The following MRPL19 variants were observed in gnomAD, a reference collection of about 807,000 sequenced individuals.
MRPL19 encodes the protein mitochondrial ribosomal protein L19.
Under a neutral mutation model 34.0 loss-of-function variants are expected in MRPL19, and 31 were observed. The observed-to-expected ratio is 0.91, with a 90% CI of 0.68 to 1.23. MRPL19 has a LOEUF of 1.23. MRPL19 is among the 50% of genes most tolerant of loss of function. MRPL19 has a pLI of 0.00. For synonymous variants in MRPL19, 152 were observed against 127.7 expected (o/e 1.19, Z -1.28); for missense variants, 384 against 367.6 (o/e 1.04, Z -0.37).
At chr2:75,648,894 C>A (rs1353047324) in intron 2 of MRPL19, among the ~76,000 whole-genome samples, 2 of 152,018 alleles carry the variant, frequency 1.3e-5, no homozygotes, top group Non-Finnish European at 2.9e-5. Context: ...CAAAATTATA[C>A]GAAACAATAT....
intron 2 of MRPL19, chr2:75,651,712 T>A (rs1267275467): frequency 3.3e-6 from 1 of 306,880 alleles, no homozygotes; most frequent in East Asian, 8.0e-5. Context: ...TAATTTATTA[T>A]AGCATGTATA....
At chr2:75,653,816 TCA>T (rs1258807336) in intron 4 of MRPL19, among the ~76,000 whole-genome samples, 2 of 152,316 alleles carry the variant, frequency 1.3e-5, no homozygotes, top group East Asian at 1.9e-4. Flanking sequence ...GGTGTTCCAT[TCA>T]CAGTCTTTTC....
intron 3 of MRPL19, 39 bp from the exon 4 acceptor site, chr2:75,652,483 TG>T (rs1484940399): frequency 6.3e-7 from 1 of 1,599,520 alleles, no homozygotes; most frequent in Admixed American, 1.7e-5. Flanking sequence ...CTCAGCTGGG[TG>T]TGCTGAAAAA....
intron 2 of MRPL19, among the ~76,000 whole-genome samples, chr2:75,648,505 A>G (rs1252128332): frequency 1.3e-5 from 2 of 152,188 alleles, no homozygotes; most frequent in Non-Finnish European, 2.9e-5. Context: ...ATTTTCACAA[A>G]TCTGTGTGTA....
rs1678512031 is a variant in MRPL19, at chr2:75,658,371, T to C, written c.*3086T>C. Among the ~76,000 whole-genome samples the C allele has an allele frequency of 6.6e-6, 1 of 152,000 alleles. No homozygotes were observed. The highest frequency in any genetic ancestry group is 1.5e-5 in the Non-Finnish European group (1 of 67,882). On this transcript the variant is annotated 3_prime_UTR_variant, in exon 6 of 6. Coordinates refer to ENST00000393909, the MANE Select transcript of MRPL19 (RefSeq NM_014763.4). ...GTTTTTATGACTAAATAATATTCCATTGTATGTATATACATTTTGTTCATC... is the reference window on the plus strand; with the variant it reads ...GTTTTTATGACTAAATAATATTCCACTGTATGTATATACATTTTGTTCATC...
rs1170040959 is a variant in MRPL19, at chr2:75,659,581, T to G, written c.*4296T>G. Among the ~76,000 whole-genome samples, 4 of 152,192 alleles carry G rather than the reference T, an allele frequency of 2.6e-5. No homozygotes were observed. The highest frequency in any genetic ancestry group is 5.9e-5 in the Non-Finnish European group (4 of 68,016). On this transcript the variant is annotated 3_prime_UTR_variant, in exon 6 of 6. Transcript: ENST00000393909. Reference sequence around the variant, plus strand: ...TCTAATTGTAATAAACTCCCTCAGCTTTTGTTTTATCTGAGAATGTCTTGA... The same window carrying G: ...TCTAATTGTAATAAACTCCCTCAGCGTTTGTTTTATCTGAGAATGTCTTGA...
At position 75,659,224 on chromosome 2, in the gene MRPL19, A is replaced by AC. The variant is rs1678542103; in HGVS notation, c.*3939_*3940insC. 6.6e-6 allele frequency among the ~76,000 whole-genome samples: 1 copy of AC among 152,066 alleles called. No homozygotes were observed. The highest frequency in any genetic ancestry group is 2.4e-5 in the African/African-American group (1 of 41,422). On this transcript the variant is annotated 3_prime_UTR_variant, in exon 6 of 6. Transcript: ENST00000393909. ...GGATTATAGTTAACATCCTACACTT[A>AC]AAACAATCTAATTTAAACTGATACC...
chr2:75,654,939 C>G, intron 5 of MRPL19, 22 bp downstream of exon 5: 1 of 1,569,842 alleles, frequency 6.4e-7, no homozygotes, highest in Non-Finnish European at 8.6e-7. Flanking sequence ...ACATTTGAAA[C>G]TAGAAGTTCA....
chr2:75,651,289 G>A, intron 2 of MRPL19: 1 of 514,206 alleles, frequency 1.9e-6, no homozygotes, highest in Admixed American at 2.0e-5. Flanking sequence ...ATGTGCTGCA[G>A]CTGTGTCTCT....
Position 75,647,136 on chromosome 2 carries a change from T to A in MRPL19, c.138T>A (p.Thr46=). Residue 46 remains threonine (T), a synonymous_variant, in exon 2 of 6, where the codon ACT becomes ACA. Transcript: ENST00000393909. ...CGGGGCCTGTCCGGCAGCAGAGCAC[T>A]GGGCCTTCCGAGCCCGGTGCGTTCC... ...VHAGPVRQQS[T]GPSEPGAFQP... 1 of 1,582,996 alleles carries A rather than the reference T, an allele frequency of 6.3e-7. No homozygotes were observed. Among genetic ancestry groups the A allele is most frequent in the East Asian group, 2.3e-5 (1 of 43,464 alleles).
At chr2:75,654,651 C>T in intron 4 of MRPL19, 85 bp from the exon 5 acceptor site, 1 of 1,284,176 alleles carries the variant, frequency 7.8e-7, no homozygotes, top group South Asian at 1.7e-5. Flanking sequence ...GTGCTAATTC[C>T]TTTATGAAAT....
At chr2:75,646,978 C>T in intron 1 of MRPL19, 68 bp downstream of exon 1, 2 of 1,492,578 alleles carry the variant, frequency 1.3e-6, no homozygotes, top group Middle Eastern at 1.8e-4. Flanking sequence ...GGAGGCGAAC[C>T]TGGAGATCAG....
Position 75,646,828 on chromosome 2 carries a change from G to A in MRPL19, c.21G>A (p.Ala7=). 3 of 1,567,054 alleles carry A rather than the reference G, an allele frequency of 1.9e-6. No homozygotes were observed. The highest frequency in any genetic ancestry group is 1.2e-5 in the South Asian group (1 of 84,644). ...CTGGCATGGCGGCCTGCATTGCAGC[G>A]GGGCACTGGGCTGCAATGGGCCTAG... The part of the protein sequence containing the change: MAACIA[A]GHWAAMGLGR... The change falls in exon 1 of 6, where the codon GCG becomes GCA. Residue 7 remains alanine, a synonymous_variant. Coordinates refer to ENST00000393909, the MANE Select transcript of MRPL19 (RefSeq NM_014763.4).
At position 75,660,944 on chromosome 2, in the gene MRPL19, CAT is replaced by C. The variant is rs1678600126; in HGVS notation, c.*5661_*5662del. 6.6e-6 allele frequency: 1 copy of C among 152,150 alleles called. No homozygotes were observed. Among genetic ancestry groups the C allele is most frequent in the African/African-American group, 2.4e-5 (1 of 41,454 alleles). The allele number at this position is 152,150 out of a possible 1,614,324, so 9.4% of individuals were successfully genotyped here. ...TAGATGGTTTTTTGGATATCTTGACCATAGTCTTTCGACCCAGGTGTTTGCGG... is the reference window on the plus strand; with the variant it reads ...TAGATGGTTTTTTGGATATCTTGACCAGTCTTTCGACCCAGGTGTTTGCGG... On this transcript the variant is annotated 3_prime_UTR_variant, in exon 6 of 6. Coordinates refer to ENST00000393909, the MANE Select transcript of MRPL19 (RefSeq NM_014763.4).
intron 1 of MRPL19, 71 bp downstream of exon 1, chr2:75,646,981 G>A (rs1678236198): frequency 3.4e-6 from 5 of 1,487,790 alleles, no homozygotes; most frequent in Non-Finnish European, 4.5e-6. Context: ...GGCGAACCTG[G>A]AGATCAGAGG....
intron 2 of MRPL19, 73 bp downstream of exon 2, chr2:75,647,292 C>G: frequency 7.0e-7 from 1 of 1,437,818 alleles, no homozygotes; most frequent in South Asian, 1.3e-5. Context: ...GTTCGAGGTC[C>G]CGGCTCTAAG....
chr2:75,661,401 A>T lies in MRPL19; in HGVS notation c.*6116A>T, dbSNP rs1486570410. On this transcript the variant is annotated 3_prime_UTR_variant, in exon 6 of 6. Transcript: ENST00000393909. ...GGTCTTGAACTTCTGGCCTCAAGCCATCCTCTCATTTCAGCTTCCCAAAGT... is the reference window on the plus strand; with the variant it reads ...GGTCTTGAACTTCTGGCCTCAAGCCTTCCTCTCATTTCAGCTTCCCAAAGT... 1 of 152,128 alleles carries T rather than the reference A, an allele frequency of 6.6e-6. No individual in the cohort carries two copies. The allele number at this position is 152,128 out of a possible 1,614,324, so 9.4% of individuals were successfully genotyped here. A position where few individuals can be genotyped will look rare whatever the true frequency, so the allele number is the denominator to read the frequency against.
At chr2:75,653,248 A>G (rs3771877) in intron 4 of MRPL19, among the ~76,000 whole-genome samples, 75,633 of 151,594 alleles carry the variant, frequency 0.5, 20,317 homozygotes, top group African/African-American at 0.73. Context: ...CCAACAACAA[A>G]GTATTCTTAT....
chr2:75,652,333 TAAAAA>T, intron 3 of MRPL19, 73 bp downstream of exon 3: 1 of 1,343,140 alleles, frequency 7.4e-7, no homozygotes, highest in Non-Finnish European at 1.0e-6. Flanking sequence ...TTAGTTTTCT[TAAAAA>T]GCAAAAGAAG....
Sources: gnomAD v4.1 joint callset for allele counts (sites outside exome capture counted in the v4.1 genomes callset) on GRCh38, gnomAD v4.1.1 for gene constraint, MANE v1.5 for transcripts, NCBI Gene and HGNC (gene_info 2026-07-23, HGNC 2026-07-21) for gene names.